PHACTR2: variants seen among roughly 807,000 people sequenced by gnomAD.
PHACTR2 encodes phosphatase and actin regulator 2, also known as chromosome 6 open reading frame 56.
PHACTR2 carries 30 observed loss-of-function variants against 76.0 expected under a neutral mutation model. That is an observed-to-expected ratio of 0.39 (90% CI 0.30 to 0.54). PHACTR2 has a LOEUF of 0.54. Ranked by LOEUF, PHACTR2 falls within the 20% of genes least tolerant of loss-of-function variation. The pLI is 0.61. For synonymous variants in PHACTR2, 292 were observed against 292.5 expected, an observed-to-expected ratio of 1.00 and a Z score of 0.02; for missense variants, 696 against 781.1, an observed-to-expected ratio of 0.89 and a Z score of 1.30.
At chr6:143,606,538 G>A (rs965367657), upstream of PHACTR2, among the ~76,000 whole-genome samples, 24 of 152,074 alleles carry the variant, frequency 1.6e-4, no homozygotes, top group African/African-American at 5.8e-4. Flanking sequence ...TTAGGCAATA[G>A]GCACTGCCAA....
intron 1 of PHACTR2, among the ~76,000 whole-genome samples, chr6:143,622,677 A>C (rs958372128): frequency 6.6e-6 from 1 of 152,234 alleles, no homozygotes; most frequent in African/African-American, 2.4e-5. Context: ...AATGCAGCTT[A>C]ATGAGGTTAG....
intron 1 of PHACTR2, among the ~76,000 whole-genome samples, chr6:143,682,139 C>T (rs9484791): frequency 0.045 from 6,819 of 152,244 alleles, 482 homozygotes; most frequent in African/African-American, 0.15. Flanking sequence ...TGATATTGAA[C>T]CTGTAGATCA....
intron 1 of PHACTR2, among the ~76,000 whole-genome samples, chr6:143,693,522 GC>G (rs1286860618): frequency 6.6e-6 from 1 of 152,228 alleles, no homozygotes; most frequent in African/African-American, 2.4e-5. Context: ...ACAGGCATGA[GC>G]CACCGTGCCC....
At chr6:143,560,737 A>G (rs1307768081) in intron 1 of PHACTR2, among the ~76,000 whole-genome samples, 1 of 152,166 alleles carries the variant, frequency 6.6e-6, no homozygotes, top group Admixed American at 6.5e-5. Flanking sequence ...TGAAGGATCC[A>G]GTAGGTGCTC....
At chr6:143,673,940 C>A (rs556643757), upstream of PHACTR2, among the ~76,000 whole-genome samples, 256 of 152,134 alleles carry the variant, frequency 1.7e-3, 1 homozygote, top group South Asian at 8.3e-3. Context: ...GAAAGAAAAG[C>A]CTGTCTTTCA....
rs1457707743 is a variant in PHACTR2 at position 143,585,638 on chromosome 6, C to A, written c.217+48431C>A. On this transcript the variant is annotated intron_variant, in intron 1 of 11. Coordinates refer to the PHACTR2 transcript ENST00000367584. The surrounding 1 kb of genome is among the most constrained non-coding windows in gnomAD (Gnocchi z 5.2). ...AAAAAGACTAATTGGGACCAGAAAG[C>A]AAGCTCCATGAAGGCAGAGACCCTC... Among the ~76,000 whole-genome samples, 1 of 152,180 alleles carries A rather than the reference C, an allele frequency of 6.6e-6. No homozygotes were observed. The highest frequency in any genetic ancestry group is 2.4e-5 in the African/African-American group (1 of 41,442).
At position 143,774,030 on chromosome 6, in the gene PHACTR2, C is replaced by T. The variant is rs768086912; in HGVS notation, c.1433-29C>T. On this transcript the variant is annotated intron_variant, in intron 7 of 12. Transcript: ENST00000440869. The surrounding 1 kb of genome is among the most constrained non-coding windows in gnomAD (Gnocchi z 5.4). The stretch of plus-strand genomic sequence containing the variant: ...TGCCACTGGCTAAAAGCCTCTCTCT[C>T]TGCATTTCTGCTCTTTTTCAATCCT... 21 of 1,606,644 alleles carry T rather than the reference C, an allele frequency of 1.3e-5. No individual in the cohort carries two copies. The African/African-American group carries it at 2.5e-4, about 19-fold the overall frequency.
chr6:143,752,061 A>G (rs1321925916), intron 3 of PHACTR2, among the ~76,000 whole-genome samples: 1 of 152,006 alleles, frequency 6.6e-6, no homozygotes. Flanking sequence ...ATTTCTCTCT[A>G]TCATAGGATA....
rs1775515530 is a variant in PHACTR2 at position 143,784,766 on chromosome 6, T to A, written c.1707+1486T>A. 1.3e-5 allele frequency among the ~76,000 whole-genome samples: 2 copies of A among 152,056 alleles called. No individual in the cohort carries two copies. Among genetic ancestry groups the A allele is most frequent in the Non-Finnish European group, 1.5e-5 (1 of 67,998 alleles). On this transcript the variant is annotated intron_variant, in intron 10 of 12. Transcript: ENST00000440869. This position sits in a 1 kb window ranked among gnomAD's most constrained non-coding sequence, Gnocchi z 4.5. ...AGAATCATGGCAGGAGGCAAAAGGC[T>A]CTTCTAACATGGTGGCGGCAAAAGA...
intron 1 of PHACTR2, among the ~76,000 whole-genome samples, chr6:143,631,094 T>C (rs1388363867): frequency 3.9e-5 from 6 of 152,256 alleles, no homozygotes; most frequent in African/African-American, 1.4e-4. Flanking sequence ...AGCAGCATTT[T>C]ATAAGAGGAG....
chr6:143,650,447 G>A (rs12200809), intron 1 of PHACTR2, among the ~76,000 whole-genome samples: 34,653 of 151,818 alleles, frequency 0.23, 4,331 homozygotes, highest in Middle Eastern at 0.33. Context: ...CAAAACTACA[G>A]TAACAAAAAT....
Position 143,652,152 on chromosome 6 carries a change from T to C in PHACTR2, c.13+43830T>C, listed in dbSNP as rs1776773996. 6.6e-6 allele frequency among the ~76,000 whole-genome samples: 1 copy of C among 151,838 alleles called. No homozygotes were observed. The highest frequency in any genetic ancestry group is 2.4e-5 in the African/African-American group (1 of 41,384). On this transcript the variant is annotated intron_variant, in intron 1 of 11. Coordinates refer to the PHACTR2 transcript ENST00000305766. The surrounding 1 kb of genome is among the most constrained non-coding windows in gnomAD (Gnocchi z 4.5). ...GGTGATGGGGGAACCGTTTACTAGG[T>C]ACAACCACAAGATATTTGGTCAAAA...
intron 1 of PHACTR2, among the ~76,000 whole-genome samples, chr6:143,651,707 G>A (rs1182951545): frequency 1.3e-5 from 2 of 152,074 alleles, no homozygotes; most frequent in African/African-American, 4.8e-5. Context: ...GAGGGTGCAG[G>A]GAGGGAGAGC....
Position 143,554,170 on chromosome 6 carries a change from G to T in PHACTR2, c.217+16963G>T, listed in dbSNP as rs1775133853. Among the ~76,000 whole-genome samples, 1 of 152,152 alleles carries T rather than the reference G, an allele frequency of 6.6e-6. No homozygotes were observed. Among genetic ancestry groups the T allele is most frequent in the Non-Finnish European group, 1.5e-5 (1 of 68,024 alleles). ...CAACTTAGGAGTGAATCCACAGTAT[G>T]CAGGGCTATGGTGTCTGCTTCTTCT... On this transcript the variant is annotated intron_variant, in intron 1 of 11. Coordinates refer to the PHACTR2 transcript ENST00000367584. This position sits in a 1 kb window ranked among gnomAD's most constrained non-coding sequence, Gnocchi z 5.9.
At chr6:143,622,680 G>A (rs1309777227) in intron 1 of PHACTR2, among the ~76,000 whole-genome samples, 1 of 152,170 alleles carries the variant, frequency 6.6e-6, no homozygotes, top group East Asian at 1.9e-4. Context: ...GCAGCTTAAT[G>A]AGGTTAGTAA....
Position 143,783,074 on chromosome 6 carries a change from A to C in PHACTR2, c.1646-145A>C. On this transcript the variant is annotated intron_variant, in intron 9 of 12. Coordinates refer to ENST00000440869, the MANE Select transcript of PHACTR2 (RefSeq NM_001100164.2). The surrounding 1 kb of genome is among the most constrained non-coding windows in gnomAD (Gnocchi z 5.2). Reference sequence around the variant, plus strand: ...GTGTAAGATGATCAACCTTCCTACAAAATATTTTGACAACTTTTTAACAAT... The same window carrying C: ...GTGTAAGATGATCAACCTTCCTACACAATATTTTGACAACTTTTTAACAAT... The C allele has an allele frequency of 1.7e-6, 1 of 584,542 alleles. No homozygotes were observed. The highest frequency in any genetic ancestry group is 1.9e-5 in the African/African-American group (1 of 52,960). The allele number at this position is 584,542 out of a possible 1,614,324, so 36.2% of individuals were successfully genotyped here.
intron 1 of PHACTR2, among the ~76,000 whole-genome samples, chr6:143,669,582 A>C (rs1777108078): frequency 6.6e-6 from 1 of 152,178 alleles, no homozygotes; most frequent in South Asian, 2.1e-4. Context: ...TATATTTAGG[A>C]TAGTTAATTC....
rs1261257295 is a variant in PHACTR2, at chr6:143,757,403, C to A, written c.455-2998C>A. Among the ~76,000 whole-genome samples, 1 of 152,138 alleles carries A rather than the reference C, an allele frequency of 6.6e-6. No individual in the cohort carries two copies. Among genetic ancestry groups the A allele is most frequent in the African/African-American group, 2.4e-5 (1 of 41,432 alleles). ...GTTCTCAGAGGAAGATATTTATGAACTAAGACATGAAGGAAACAAGAAGGA... is the reference window on the plus strand; with the variant it reads ...GTTCTCAGAGGAAGATATTTATGAAATAAGACATGAAGGAAACAAGAAGGA... On this transcript the variant is annotated intron_variant, in intron 4 of 12. Transcript: ENST00000440869. This position sits in a 1 kb window ranked among gnomAD's most constrained non-coding sequence, Gnocchi z 4.2.
At chr6:143,773,591 A>G (rs141006045) in intron 7 of PHACTR2, among the ~76,000 whole-genome samples, 75 of 152,064 alleles carry the variant, frequency 4.9e-4, no homozygotes, top group African/African-American at 1.8e-3. Flanking sequence ...TGAAATTTTC[A>G]GGATTCTGGG....
Sources: allele counts gnomAD v4.1 joint callset (sites outside exome capture counted in the v4.1 genomes callset), GRCh38; gene constraint gnomAD v4.1.1; non-coding constraint Gnocchi (gnomAD v3.1); transcripts MANE v1.5; gene names NCBI Gene and HGNC (gene_info 2026-07-23, HGNC 2026-07-21).